The following TBC1D4 variants were observed in gnomAD, a reference collection of about 807,000 sequenced individuals.
TBC1D4 encodes the protein TBC (Tre-2, BUB2, CDC16) domain-containing protein.
Under a neutral mutation model 142.5 loss-of-function variants are expected in TBC1D4, and 121 were observed. The ratio of observed to expected loss-of-function variants is 0.85; its 90% confidence interval spans 0.73 to 0.99. TBC1D4 has a LOEUF of 0.99. Ranked by LOEUF, TBC1D4 falls within the 50% of genes least tolerant of loss-of-function variation. The pLI is 0.00. For missense variants in TBC1D4, 1,475 were observed against 1,606.6 expected (o/e 0.92, Z 1.40); for synonymous variants, 630 against 628.2 (o/e 1.00, Z -0.04).
chr13:75,440,700 C>A (rs973372932), intron 1 of TBC1D4, among the ~76,000 whole-genome samples: 1 of 151,504 alleles, frequency 6.6e-6, no homozygotes, highest in Non-Finnish European at 1.5e-5. Context: ...GCTACAGGCC[C>A]GTACCAGCAC....
intron 1 of TBC1D4, among the ~76,000 whole-genome samples, chr13:75,449,349 GTTTAA>G (rs1340862736): frequency 7.3e-5 from 11 of 151,724 alleles, no homozygotes; most frequent in Non-Finnish European, 1.5e-5. Context: ...CTATGACGAA[GTTTAA>G]TTTATGTTAG....
At chr13:75,308,028 G>A (rs917019056) in intron 14 of TBC1D4, among the ~76,000 whole-genome samples, 1 of 152,110 alleles carries the variant, frequency 6.6e-6, no homozygotes, top group African/African-American at 2.4e-5. Context: ...ATAATCACGA[G>A]CATCTGCTTA....
intron 1 of TBC1D4, among the ~76,000 whole-genome samples, chr13:75,464,299 T>C (rs1888084005): frequency 6.6e-6 from 1 of 152,136 alleles, no homozygotes; most frequent in African/African-American, 2.4e-5. Context: ...AGGTTGTGGG[T>C]TTACCGGAAC....
chr13:75,391,224 ACT>A (rs1491353750), intron 1 of TBC1D4, among the ~76,000 whole-genome samples: 84 of 149,514 alleles, frequency 5.6e-4, no homozygotes, highest in African/African-American at 2.1e-3. Context: ...ACACACACAC[ACT>A]ATTTTTATCT....
chr13:75,295,472 T>C (rs1165690810), intron 17 of TBC1D4, among the ~76,000 whole-genome samples: 1 of 152,214 alleles, frequency 6.6e-6, no homozygotes, highest in East Asian at 1.9e-4. Context: ...GAAAGAGTTC[T>C]GGCTCTCCAG....
chr13:75,328,754 A>G (rs963119360), intron 8 of TBC1D4, among the ~76,000 whole-genome samples: 7 of 152,198 alleles, frequency 4.6e-5, no homozygotes, highest in Admixed American at 1.3e-4. Context: ...ACATTTGCAT[A>G]GTACTTTCCA....
intron 1 of TBC1D4, among the ~76,000 whole-genome samples, chr13:75,428,940 CCCTCCCTATACACT>C (rs1347576315): frequency 6.6e-6 from 1 of 152,154 alleles, no homozygotes; most frequent in Non-Finnish European, 1.5e-5. Context: ...ACAGTAGGCC[CCCTCCCTATACACT>C]CCTGCATCCT....
intron 1 of TBC1D4, among the ~76,000 whole-genome samples, chr13:75,451,726 A>G (rs1369596098): frequency 2.0e-5 from 3 of 149,320 alleles, no homozygotes; most frequent in African/African-American, 7.3e-5. Flanking sequence ...TATGTGCTCT[A>G]TATTATAATT....
chr13:75,481,940 T>C lies in TBC1D4; in HGVS notation c.-173A>G. On this transcript the variant is annotated 5_prime_UTR_variant, in exon 1 of 21. Coordinates refer to ENST00000377636, the MANE Select transcript of TBC1D4 (RefSeq NM_014832.5). ...TCAGCAGCCCTGCCCCATGCAGCACTTCCACGGGCGCGGCTCGGAGGCTCC... is the reference window on the plus strand; with the variant it reads ...TCAGCAGCCCTGCCCCATGCAGCACCTCCACGGGCGCGGCTCGGAGGCTCC... 1 of 932,178 alleles carries C rather than the reference T, an allele frequency of 1.1e-6. No individual in the cohort carries two copies. The highest frequency in any genetic ancestry group is 1.4e-6 in the Non-Finnish European group (1 of 711,328). 57.7% of individuals were successfully genotyped at this position (932,178 alleles called of 1,614,324 possible).
intron 1 of TBC1D4, among the ~76,000 whole-genome samples, chr13:75,440,113 T>A (rs1366486500): frequency 1.3e-5 from 2 of 151,698 alleles, no homozygotes; most frequent in African/African-American, 4.8e-5. Flanking sequence ...TATAAATATA[T>A]CAAGGCAGAA....
chr13:75,463,177 A>G (rs572052064), intron 1 of TBC1D4, among the ~76,000 whole-genome samples: 81 of 10,368 alleles, frequency 7.8e-3, no homozygotes, highest in African/African-American at 0.042. Flanking sequence ...CACTAACACT[A>G]TAGAAAAAAA....
intron 1 of TBC1D4, among the ~76,000 whole-genome samples, chr13:75,463,456 AG>A (rs1181792749): frequency 6.6e-6 from 1 of 152,220 alleles, no homozygotes. Flanking sequence ...AGAGATTCCC[AG>A]GGCCCACACT....
At chr13:75,338,269 C>A (rs1319368370) in intron 7 of TBC1D4, among the ~76,000 whole-genome samples, 2 of 150,980 alleles carry the variant, frequency 1.3e-5, no homozygotes, top group Non-Finnish European at 3.0e-5. Flanking sequence ...AAGGCCCCAC[C>A]AAGAAAGGAA....
At chr13:75,346,584 T>G (rs1881169863) in intron 5 of TBC1D4, among the ~76,000 whole-genome samples, 1 of 152,234 alleles carries the variant, frequency 6.6e-6, no homozygotes, top group Admixed American at 6.5e-5. Flanking sequence ...TCTTTGCTAG[T>G]GTGGATAGTG....
rs115519003 is a variant in TBC1D4, at chr13:75,464,148, C to T, written c.498+17122G>A. ...CAGTTTCTAAATCCACATGCAACAA[C>T]CAATTAGAAAACTTTCTCAGAGCCC... is the stretch of plus-strand genomic sequence containing the variant. On this transcript the variant is annotated intron_variant, in intron 1 of 20. Coordinates refer to ENST00000377636, the MANE Select transcript of TBC1D4 (RefSeq NM_014832.5). Among the ~76,000 whole-genome samples, 1,512 of 152,300 alleles carry T rather than the reference C, an allele frequency of 9.9e-3. 19 individuals carry two copies. Among genetic ancestry groups the T allele is most frequent in the African/African-American group, 0.035 (1,440 of 41,544 alleles).
intron 1 of TBC1D4, among the ~76,000 whole-genome samples, chr13:75,457,939 G>C (rs892664040): frequency 1.3e-5 from 2 of 152,176 alleles, no homozygotes; most frequent in African/African-American, 4.8e-5. Context: ...AGATGGGCAG[G>C]TGCAGGAGCC....
intron 13 of TBC1D4, among the ~76,000 whole-genome samples, chr13:75,311,666 C>G (rs1019400568): frequency 2.6e-5 from 4 of 152,106 alleles, no homozygotes; most frequent in Non-Finnish European, 5.9e-5. Context: ...CTTCTAGCTT[C>G]TAAGAGTAGT....
rs754762702 is a variant in TBC1D4 at position 75,462,827 on chromosome 13, TC to T, written c.498+18442del. Among the ~76,000 whole-genome samples the T allele has an allele frequency of 1.4e-4, 22 of 152,180 alleles. No homozygotes were observed. The Middle Eastern group carries it at 0.01, about 71-fold the overall frequency. On this transcript the variant is annotated intron_variant, in intron 1 of 20. Coordinates refer to ENST00000377636, the MANE Select transcript of TBC1D4 (RefSeq NM_014832.5). ...CATCACCATCACAGATCATCCCACC[TC>T]CCCGCTGCTTGTAACACCGCTCATA... is the stretch of plus-strand genomic sequence containing the variant.
At chr13:75,480,871 ACGCACG>A (rs1566522073) in intron 1 of TBC1D4, among the ~76,000 whole-genome samples, 16 of 109,464 alleles carry the variant, frequency 1.5e-4, no homozygotes, top group Admixed American at 4.0e-4. Context: ...TCGCGCGCAC[ACGCACG>A]CACACACACA....
Sources: gnomAD v4.1 joint callset for allele counts (sites outside exome capture counted in the v4.1 genomes callset) on GRCh38, gnomAD v4.1.1 for gene constraint, MANE v1.5 for transcripts, NCBI Gene and HGNC (gene_info 2026-07-23, HGNC 2026-07-21) for gene names.